Variants in POU2F2 observed in about 807,000 individuals in gnomAD.
POU2F2 encodes POU class 2 homeobox 2.
In POU2F2, 14 loss-of-function variants were observed where a neutral mutation model predicts 63.5. The ratio of observed to expected loss-of-function variants is 0.22; its 90% CI spans 0.15 to 0.34. POU2F2 has a LOEUF of 0.34. POU2F2 is among the 10% of genes least tolerant of loss of function. The pLI is 1.00. For synonymous variants in POU2F2, 306 were observed against 348.6 expected (o/e 0.88, Z 1.36); for missense variants, 607 against 815.2 (o/e 0.74, Z 3.11).
intron 1 of POU2F2, among the ~76,000 whole-genome samples, chr19:42,171,775 T>C (rs943106817): frequency 3.3e-5 from 5 of 152,114 alleles, no homozygotes; most frequent in Admixed American, 3.3e-4. Context: ...AGCCCTATAC[T>C]TTATAGGATC....
chr19:42,161,063 G>A (rs895060045), intron 1 of POU2F2, among the ~76,000 whole-genome samples: 2 of 152,134 alleles, frequency 1.3e-5, no homozygotes, highest in Non-Finnish European at 2.9e-5. Flanking sequence ...GGGCTCACAG[G>A]CAAGTTGAGG....
chr19:42,189,303 G>C (rs1397152414), intron 1 of POU2F2, among the ~76,000 whole-genome samples: 1 of 152,172 alleles, frequency 6.6e-6, no homozygotes, highest in Non-Finnish European at 1.5e-5. Context: ...CACAGGCCAA[G>C]GGGAGTCATG....
upstream of POU2F2, among the ~76,000 whole-genome samples, chr19:42,134,353 A>G (rs1192458414): frequency 6.6e-6 from 1 of 152,116 alleles, no homozygotes; most frequent in Non-Finnish European, 1.5e-5. Context: ...ACCCACTTCC[A>G]GTGCGGCCAG....
chr19:42,180,782 C>T (rs2034951726), upstream of POU2F2, among the ~76,000 whole-genome samples: 2 of 152,040 alleles, frequency 1.3e-5, no homozygotes, highest in African/African-American at 4.8e-5. Context: ...GCTGGAGTGC[C>T]GCAGCGTGAT....
At chr19:42,176,028 A>C (rs914704457), upstream of POU2F2, 1 of 143,634 alleles carries the variant, frequency 7.0e-6, no homozygotes, top group Non-Finnish European at 1.5e-5. Flanking sequence ...CAATATCCTC[A>C]CCATCATCGT....
chr19:42,092,212 A>T lies in POU2F2; in HGVS notation c.1323T>A (p.Gly441=). 3 of 1,533,486 alleles carry T rather than the reference A, an allele frequency of 2.0e-6. No individual in the cohort carries two copies. Among genetic ancestry groups the T allele is most frequent in the Non-Finnish European group, 2.7e-6 (3 of 1,131,802 alleles). The allele number at this position is 1,533,486 out of a possible 1,614,324, so 95.0% of individuals were successfully genotyped here. ...GGGGCGCAGCCCCGCCCCCGCCCCC[A>T]CCCCCTCCAGCTGTCCGGCTGGGGT... ...TLHPSRTAGG[G]GGGGGAAPPL... The change falls in exon 13 of 15, where the codon GGT becomes GGA. Residue 441 remains glycine, a synonymous_variant. Coordinates refer to ENST00000692977, the MANE Select transcript of POU2F2 (RefSeq NM_001394376.1). This position sits in a 1 kb window ranked among gnomAD's most constrained non-coding sequence, Gnocchi z 5.0.
intron 1 of POU2F2, among the ~76,000 whole-genome samples, chr19:42,185,547 C>T (rs2035003691): frequency 6.6e-6 from 1 of 152,222 alleles, no homozygotes; most frequent in Non-Finnish European, 1.5e-5. Context: ...ACCACCACCA[C>T]TTCCTTGAAT....
chr19:42,093,727 A>C, intron 12 of POU2F2, 102 bp downstream of exon 12: 1 of 1,197,918 alleles, frequency 8.3e-7, no homozygotes, highest in Non-Finnish European at 1.2e-6. Flanking sequence ...CCCCAGGCCC[A>C]GTCTTGAGGC....
At chr19:42,106,486 A>G (rs1485355840) in intron 5 of POU2F2, among the ~76,000 whole-genome samples, 1 of 152,214 alleles carries the variant, frequency 6.6e-6, no homozygotes, top group Admixed American at 6.5e-5. Flanking sequence ...GGGAGGGAGA[A>G]GGGCAAAGGC....
At position 42,089,355 on chromosome 19, in the gene POU2F2, G is replaced by A. The variant is rs192214862; in HGVS notation, c.*1902C>T. On this transcript the variant is annotated 3_prime_UTR_variant, in exon 15 of 15. Coordinates refer to ENST00000692977, the MANE Select transcript of POU2F2 (RefSeq NM_001394376.1). ...GGAGGAATCAAACCACCCAAAAGTT[G>A]TTAAGTTTTCCTTCATCTGTTCTTT... 4.5e-4 allele frequency: 69 copies of A among 152,684 alleles called. No homozygotes were observed. The highest frequency in any genetic ancestry group is 1.6e-3 in the African/African-American group (68 of 41,546). 9.5% of individuals were successfully genotyped at this position (152,684 alleles called of 1,614,324 possible). A position where few individuals can be genotyped will look rare whatever the true frequency, so the allele number is the denominator to read the frequency against.
intron 2 of POU2F2, among the ~76,000 whole-genome samples, chr19:42,140,178 A>G (rs551394467): frequency 2.4e-4 from 36 of 152,290 alleles, no homozygotes; most frequent in African/African-American, 7.2e-4. Context: ...GTCTTCCTCA[A>G]TGAGGCTCTG....
rs1226982143 is a variant in POU2F2 at position 42,096,853 on chromosome 19, G to C, written c.568-610C>G. On this transcript the variant is annotated intron_variant, in intron 7 of 14. Transcript: ENST00000692977. The surrounding 1 kb of genome is among the most constrained non-coding windows in gnomAD (Gnocchi z 4.1). ...TTACGCTTGTACCACTCTGGTTGGGGATGTAGATGATGCAGGAAGCTGTGC... is the reference window on the plus strand; with the variant it reads ...TTACGCTTGTACCACTCTGGTTGGGCATGTAGATGATGCAGGAAGCTGTGC... 1.3e-5 allele frequency among the ~76,000 whole-genome samples: 2 copies of C among 152,228 alleles called. No homozygotes were observed. The highest frequency in any genetic ancestry group is 2.9e-5 in the Non-Finnish European group (2 of 68,042).
intron 1 of POU2F2, among the ~76,000 whole-genome samples, chr19:42,195,103 G>A (rs193271320): frequency 0.066 from 3,908 of 59,264 alleles, 269 homozygotes; most frequent in African/African-American, 0.18. Context: ...GGAAGGAAGG[G>A]AGGGAGGGAG....
chr19:42,168,415 C>G (rs926706824), intron 1 of POU2F2, among the ~76,000 whole-genome samples: 3 of 152,224 alleles, frequency 2.0e-5, no homozygotes, highest in African/African-American at 7.2e-5. Context: ...CCTGAAGGTC[C>G]CGTGACCCTG....
intron 1 of POU2F2, among the ~76,000 whole-genome samples, chr19:42,196,101 C>T (rs1176520382): frequency 1.3e-5 from 2 of 152,044 alleles, no homozygotes; most frequent in Non-Finnish European, 2.9e-5. Context: ...GGTGGTGATT[C>T]GTAGCAGAAA....
At chr19:42,191,132 C>T (rs2035071107) in intron 1 of POU2F2, among the ~76,000 whole-genome samples, 1 of 151,660 alleles carries the variant, frequency 6.6e-6, no homozygotes, top group Admixed American at 6.6e-5. Flanking sequence ...AGAGCATATG[C>T]TGGTCATTTT....
upstream of POU2F2, among the ~76,000 whole-genome samples, chr19:42,196,768 G>C (rs985283811): frequency 4.6e-5 from 7 of 152,274 alleles, no homozygotes; most frequent in African/African-American, 1.4e-4. Context: ...GCTCAGGGAG[G>C]CTCTGGAGGC....
intron 5 of POU2F2, among the ~76,000 whole-genome samples, chr19:42,105,260 G>A (rs564225966): frequency 5.9e-5 from 9 of 152,180 alleles, no homozygotes; most frequent in Admixed American, 1.3e-4. Context: ...TGTGCTACAC[G>A]TCTCCCAAGT....
intron 1 of POU2F2, among the ~76,000 whole-genome samples, chr19:42,126,065 G>C (rs1189053670): frequency 6.6e-6 from 1 of 152,236 alleles, no homozygotes; most frequent in Non-Finnish European, 1.5e-5. Context: ...AAATGTAATT[G>C]TATTTGGAGA....
Sources: allele counts gnomAD v4.1 joint callset (sites outside exome capture counted in the v4.1 genomes callset), GRCh38; gene constraint gnomAD v4.1.1; non-coding constraint Gnocchi (gnomAD v3.1); transcripts MANE v1.5; gene names NCBI Gene and HGNC (gene_info 2026-07-23, HGNC 2026-07-21).